The following GADL1 variants were observed in gnomAD, a reference collection of about 807,000 sequenced individuals.
GADL1 encodes GAD like acidic amino acid decarboxylase 1.
GADL1 carries 71 observed loss-of-function variants against 69.5 expected under a neutral mutation model. That is an observed-to-expected ratio of 1.02 (90% confidence interval 0.84 to 1.25). The LOEUF is 1.25. Among genes scored for constraint, GADL1 ranks in the 50% most tolerant of loss-of-function variants. The pLI is 0.00. For synonymous variants in GADL1, 254 were observed against 214.4 expected (o/e 1.18, Z -1.62); for missense variants, 737 against 631.8 (o/e 1.17, Z -1.79).
At chr3:30,767,699 T>C (rs567823842) in intron 14 of GADL1, among the ~76,000 whole-genome samples, 25 of 152,246 alleles carry the variant, frequency 1.6e-4, no homozygotes, top group African/African-American at 6.0e-4. Context: ...AGCAGTGGAA[T>C]AAATTATGAA....
intron 14 of GADL1, among the ~76,000 whole-genome samples, chr3:30,768,529 A>G (rs1696339838): frequency 6.8e-6 from 1 of 146,508 alleles, no homozygotes; most frequent in Admixed American, 6.8e-5. Flanking sequence ...AATAAGAATG[A>G]AATTTTGAGA....
intron 13 of GADL1, among the ~76,000 whole-genome samples, chr3:30,780,205 C>T (rs180956099): frequency 1.3e-5 from 2 of 152,292 alleles, no homozygotes; most frequent in African/African-American, 2.4e-5. Flanking sequence ...AGGTAGCTTG[C>T]AGTGATTTCC....
At chr3:30,794,170 C>T (rs983722829) in intron 12 of GADL1, among the ~76,000 whole-genome samples, 3 of 152,144 alleles carry the variant, frequency 2.0e-5, no homozygotes, top group African/African-American at 4.8e-5. Flanking sequence ...ATACACCCCT[C>T]GGTATCCATG....
chr3:30,774,751 G>C (rs1696494211), intron 14 of GADL1, among the ~76,000 whole-genome samples: 1 of 151,964 alleles, frequency 6.6e-6, no homozygotes, highest in South Asian at 2.1e-4. Flanking sequence ...GAGAGTAAAG[G>C]GTATATTATT....
At chr3:30,825,359 T>A (rs568562762) in intron 11 of GADL1, among the ~76,000 whole-genome samples, 20 of 152,076 alleles carry the variant, frequency 1.3e-4, no homozygotes, top group African/African-American at 4.6e-4. Flanking sequence ...TAAAATCTAT[T>A]TTCAACTTCT....
chr3:30,829,020 C>T (rs1047429901), intron 11 of GADL1, among the ~76,000 whole-genome samples: 5 of 151,756 alleles, frequency 3.3e-5, no homozygotes, highest in Non-Finnish European at 7.4e-5. Flanking sequence ...GTCTCATAAA[C>T]ACTAAAAATC....
At chr3:30,814,818 G>A (rs556144384) in intron 11 of GADL1, among the ~76,000 whole-genome samples, 1 of 152,044 alleles carries the variant, frequency 6.6e-6, no homozygotes, top group Non-Finnish European at 1.5e-5. Flanking sequence ...ATAAAAATTA[G>A]CTGGGCATGG....
intron 14 of GADL1, among the ~76,000 whole-genome samples, chr3:30,764,494 C>T (rs1399222696): frequency 1.3e-5 from 2 of 152,156 alleles, no homozygotes; most frequent in African/African-American, 4.8e-5. Context: ...AGTGTAGTTA[C>T]ATTTTCTTTC....
intron 1 of GADL1, among the ~76,000 whole-genome samples, chr3:30,887,907 G>A (rs1698730904): frequency 6.6e-6 from 1 of 152,148 alleles, no homozygotes; most frequent in Non-Finnish European, 1.5e-5. Context: ...TCAATGCTTG[G>A]TGTTCACAGG....
chr3:30,825,509 A>G (rs550952188), intron 11 of GADL1, among the ~76,000 whole-genome samples: 12 of 152,108 alleles, frequency 7.9e-5, no homozygotes, highest in African/African-American at 2.6e-4. Flanking sequence ...AAGCCTAATT[A>G]GAATTATCAG....
chr3:30,775,726 T>C (rs7649779), intron 14 of GADL1, among the ~76,000 whole-genome samples: 31,599 of 152,124 alleles, frequency 0.21, 7,384 homozygotes, highest in African/African-American at 0.56. Context: ...GGATATTTAC[T>C]GTATGATCAT....
intron 1 of GADL1, among the ~76,000 whole-genome samples, chr3:30,883,670 T>C (rs1432122228): frequency 6.6e-6 from 1 of 152,020 alleles, no homozygotes. Context: ...TTTTTATATT[T>C]CTGCAAAAAT....
At chr3:30,820,815 T>C (rs1575220545) in intron 11 of GADL1, among the ~76,000 whole-genome samples, 1 of 151,802 alleles carries the variant, frequency 6.6e-6, no homozygotes, top group East Asian at 1.9e-4. Flanking sequence ...AGCCATCCCA[T>C]TACTGGGTAT....
At chr3:30,867,272 G>A (rs1176917676) in intron 1 of GADL1, among the ~76,000 whole-genome samples, 2 of 151,570 alleles carry the variant, frequency 1.3e-5, no homozygotes, top group African/African-American at 2.4e-5. Context: ...AGTGGGTATG[G>A]AAATGGCTAT....
intron 12 of GADL1, among the ~76,000 whole-genome samples, chr3:30,796,144 C>T (rs1048558529): frequency 2.6e-5 from 4 of 152,152 alleles, no homozygotes; most frequent in Non-Finnish European, 2.9e-5. Context: ...TATCTATAAC[C>T]TTATTTCAAG....
chr3:30,821,687 T>C (rs1049220336), intron 11 of GADL1, among the ~76,000 whole-genome samples: 4 of 151,856 alleles, frequency 2.6e-5, no homozygotes, highest in African/African-American at 9.7e-5. Flanking sequence ...TGGAAGTTTT[T>C]TAAACTTAAG....
chr3:30,850,077 T>C lies in GADL1; in HGVS notation c.570A>G (p.Leu190=). 1 of 1,609,936 alleles carries C rather than the reference T, an allele frequency of 6.2e-7. No individual in the cohort carries two copies. Among genetic ancestry groups the C allele is most frequent in the Non-Finnish European group, 8.5e-7 (1 of 1,176,630 alleles). ...GSVSNMYAMN[L]ARYKYCPDIK... is the part of the protein sequence containing the mutation. ...TATCAGGACAATATTTGTATCTAGC[T>C]AAATTCATTGCATACATATTGGACA... The change falls in exon 6 of 15, where the codon TTA becomes TTG. Residue 190 remains leucine (L), a synonymous_variant. Transcript: ENST00000282538.
chr3:30,840,244 T>G (rs551485668), intron 8 of GADL1, among the ~76,000 whole-genome samples: 1 of 152,276 alleles, frequency 6.6e-6, no homozygotes, highest in East Asian at 1.9e-4. Flanking sequence ...TCTTTCCAAT[T>G]TAACCGACTT....
At chr3:30,859,345 A>C (rs1035423314) in intron 2 of GADL1, among the ~76,000 whole-genome samples, 1 of 151,920 alleles carries the variant, frequency 6.6e-6, no homozygotes, top group Non-Finnish European at 1.5e-5. Context: ...AATCAAAAGG[A>C]ATGACTACTG....
Sources: gnomAD v4.1 joint callset for allele counts (sites outside exome capture counted in the v4.1 genomes callset) on GRCh38, gnomAD v4.1.1 for gene constraint, MANE v1.5 for transcripts, NCBI Gene and HGNC (gene_info 2026-07-23, HGNC 2026-07-21) for gene names.